CUX1: variants seen among roughly 807,000 people sequenced by gnomAD.
CUX1 encodes the protein cut like homeobox 1, also known as protein CASP.
A neutral mutation model predicts 158.8 loss-of-function variants in CUX1; 31 were observed. That is an observed-to-expected ratio of 0.20 (90% CI 0.15 to 0.26). CUX1 has a LOEUF of 0.26. CUX1 is among the 10% of genes least tolerant of loss of function. The probability of loss-of-function intolerance (pLI) is 1.00; values close to 1 mark genes in which losing one functional copy is unlikely to be tolerated. For missense variants in CUX1, 1,589 were observed against 2,014.6 expected (o/e 0.79, Z 4.04); for synonymous variants, 879 against 862.1 (o/e 1.02, Z -0.34).
At chr7:102,019,520 C>T (rs539955408) in intron 2 of CUX1, among the ~76,000 whole-genome samples, 20 of 152,162 alleles carry the variant, frequency 1.3e-4, no homozygotes, top group South Asian at 1.2e-3. Flanking sequence ...CCACCATGCC[C>T]GGTCTCATCA....
chr7:102,129,228 C>A (rs1034726589), intron 8 of CUX1, among the ~76,000 whole-genome samples: 1 of 152,218 alleles, frequency 6.6e-6, no homozygotes, highest in Admixed American at 6.5e-5. Context: ...ACAGCTGGGG[C>A]ACCCAGGTGT....
chr7:102,041,483 G>A (rs1439490835), intron 3 of CUX1, among the ~76,000 whole-genome samples: 93 of 150,878 alleles, frequency 6.2e-4, no homozygotes, highest in African/African-American at 1.0e-3. Context: ...TGAACTCCTG[G>A]CCTCAAGTGA....
chr7:101,979,724 ACTGC>A lies in CUX1; in HGVS notation c.142-48373_142-48370del, dbSNP rs1585158818. Among the ~76,000 whole-genome samples the A allele has an allele frequency of 3.9e-5, 6 of 152,078 alleles. No homozygotes were observed. The East Asian group carries it at 1.2e-3, about 29-fold the overall frequency. On this transcript the variant is annotated intron_variant, in intron 2 of 23. Transcript: ENST00000292535. Reference sequence around the variant, plus strand: ...GAGTGTAGTAGCACAATGTCGGTTCACTGCAACCTCCACCTCCTGAGTTCAAGCA... The same window carrying A: ...GAGTGTAGTAGCACAATGTCGGTTCAAACCTCCACCTCCTGAGTTCAAGCA...
At chr7:102,185,698 G>A (rs545468337) in intron 11 of CUX1, among the ~76,000 whole-genome samples, 130 of 151,288 alleles carry the variant, frequency 8.6e-4, no homozygotes, top group Non-Finnish European at 1.7e-3. Context: ...CCTGACCCAA[G>A]ATGTTGAGTC....
At chr7:101,863,963 G>A (rs1235931311) in intron 1 of CUX1, among the ~76,000 whole-genome samples, 14 of 152,080 alleles carry the variant, frequency 9.2e-5, no homozygotes, top group Admixed American at 6.5e-4. Flanking sequence ...GGATGCTTGC[G>A]TTGCTTCTAC....
Position 102,148,714 on chromosome 7 carries a change from A to G in CUX1, c.675-9846A>G, listed in dbSNP as rs555790760. On this transcript the variant is annotated intron_variant, in intron 8 of 23. Transcript: ENST00000292535. The stretch of plus-strand genomic sequence containing the variant: ...TGTTATATATATATAATATATTAAT[A>G]TATATATATTATATATTACTCAAGA... Among the ~76,000 whole-genome samples the G allele has an allele frequency of 6.1e-5, 9 of 148,162 alleles. No individual in the cohort carries two copies. In the South Asian group the frequency reaches 1.7e-3, roughly 28 times the overall value.
intron 2 of CUX1, chr7:101,960,807 C>T (rs1304822816): frequency 6.6e-6 from 1 of 152,174 alleles, no homozygotes; most frequent in Non-Finnish European, 1.5e-5. Flanking sequence ...CCTAACAGAG[C>T]TGAGTGTGTG....
intron 6 of CUX1, among the ~76,000 whole-genome samples, chr7:102,109,850 A>G (rs1224915520): frequency 6.6e-6 from 1 of 152,158 alleles, no homozygotes; most frequent in African/African-American, 2.4e-5. Context: ...CTCTGTTAGC[A>G]TTTCATCTCC....
upstream of CUX1, chr7:101,817,378 G>C (rs1256300486): frequency 1.0e-6 from 1 of 984,564 alleles, no homozygotes; most frequent in African/African-American, 1.8e-5. This position sits in a 1 kb window ranked among gnomAD's most constrained non-coding sequence, Gnocchi z 4.1. Flanking sequence ...ATGCCTTCTC[G>C]GGCCGGGTTC....
Position 102,197,187 on chromosome 7 carries a change from G to A in CUX1, c.1776G>A (p.Arg592=), listed in dbSNP as rs2131985140. The A allele has an allele frequency of 6.2e-7, 1 of 1,614,250 alleles. No individual in the cohort carries two copies. The highest frequency in any genetic ancestry group is 8.5e-7 in the Non-Finnish European group (1 of 1,180,050). ...SQGSVSEILA[R]PKPWNKLTVR... ...GGTCCGTGAGCGAGATTCTGGCCCG[G>A]CCCAAGCCATGGAATAAACTGACTG... The change falls in exon 15 of 24, where the codon CGG becomes CGA. Residue 592 remains arginine, a synonymous_variant. Transcript: ENST00000292535.
chr7:102,112,566 GTTTTGTTTTTGT>G (rs1274785933), intron 7 of CUX1, among the ~76,000 whole-genome samples: 2 of 115,852 alleles, frequency 1.7e-5, no homozygotes, highest in Non-Finnish European at 3.5e-5. Flanking sequence ...TTTTTGTTTT[GTTTTGTTTTTGT>G]TTTTTTTTTG....
At chr7:102,244,978 AC>A (rs1288649365) in intron 23 of CUX1, among the ~76,000 whole-genome samples, 1 of 152,248 alleles carries the variant, frequency 6.6e-6, no homozygotes, top group Non-Finnish European at 1.5e-5. Flanking sequence ...TCTGTGGAGC[AC>A]AAAGCATGTG....
At chr7:101,893,531 C>T (rs1309031893) in intron 1 of CUX1, among the ~76,000 whole-genome samples, 1 of 152,062 alleles carries the variant, frequency 6.6e-6, no homozygotes, top group Non-Finnish European at 1.5e-5. Flanking sequence ...TTGCCCCCTG[C>T]GAGCGTTCTT....
chr7:102,018,090 C>T (rs1036961925), intron 2 of CUX1, among the ~76,000 whole-genome samples: 4 of 152,082 alleles, frequency 2.6e-5, no homozygotes, highest in African/African-American at 7.2e-5. Flanking sequence ...CCGAGTAGCT[C>T]GCACTATAGG....
chr7:102,259,917 G>A (rs1205578866), downstream of CUX1, among the ~76,000 whole-genome samples: 1 of 151,426 alleles, frequency 6.6e-6, no homozygotes, highest in African/African-American at 2.4e-5. Flanking sequence ...GCAACATAGT[G>A]AGACCCCATC....
rs566488747 is a variant in CUX1 at position 102,096,873 on chromosome 7, C to A, written c.269-491C>A. Among the ~76,000 whole-genome samples the A allele has an allele frequency of 3.9e-5, 6 of 152,286 alleles. No individual in the cohort carries two copies. In the South Asian group the frequency reaches 1.2e-3, roughly 32 times the overall value. The stretch of plus-strand genomic sequence containing the variant: ...AGATTGTTGTAAGGCTCAAAAGACA[C>A]AATCTCCATAAAGTGTCCCGTGAAC... On this transcript the variant is annotated intron_variant, in intron 4 of 23. Coordinates refer to ENST00000292535, the MANE Select transcript of CUX1 (RefSeq NM_181552.4).
chr7:102,248,545 G>T lies in CUX1; in HGVS notation c.4021G>T (p.Val1341Leu). Residue 1341 changes from valine (V) to leucine (L), a missense_variant, in exon 24 of 24, where the codon GTG (valine) becomes TTG (leucine). Val to Leu is a conservative substitution (Grantham distance 32, BLOSUM62 1). Transcript: ENST00000292535. This position sits in a 1 kb window ranked among gnomAD's most constrained non-coding sequence, Gnocchi z 5.8. ...PSSEGDSCDG[V>L]EATEGPGSAD... is the part of the protein sequence containing the mutation. The stretch of plus-strand genomic sequence containing the variant: ...CTCGGAGGGCGACAGCTGCGACGGC[G>T]TGGAGGCCACTGAGGGCCCAGGCAG... 3 of 1,506,884 alleles carry T rather than the reference G, an allele frequency of 2.0e-6. No individual in the cohort carries two copies. Among genetic ancestry groups the T allele is most frequent in the Non-Finnish European group, 2.7e-6 (3 of 1,131,548 alleles). The allele number at this position is 1,506,884 out of a possible 1,614,324, so 93.3% of individuals were successfully genotyped here.
chr7:102,016,957 T>TTGGGGTCCATCCC (rs1327668764), intron 2 of CUX1, among the ~76,000 whole-genome samples: 1 of 152,176 alleles, frequency 6.6e-6, no homozygotes, highest in Non-Finnish European at 1.5e-5. Flanking sequence ...AATGGTGCCT[T>TTGGGGTCCATCCC]TGGGGTCCAT....
In CUX1 at chr7:102,280,821, C is replaced by T. The variant is rs782238335; in HGVS notation, c.1782C>T (p.Tyr594=). 27 of 1,613,012 alleles carry T rather than the reference C, an allele frequency of 1.7e-5. No homozygotes were observed. In the East Asian group the frequency reaches 3.6e-4, roughly 21 times the overall value. Residue 594 remains tyrosine (Y), a synonymous_variant, in exon 20 of 23, where the codon TAC becomes TAT. Coordinates refer to the CUX1 transcript ENST00000292538. ...CTGTGCAGGAGCGGCAGAGGAAGTACCTGAGCTTGAGTCCCTGGGACAAGG... is the reference window on the plus strand; with the variant it reads ...CTGTGCAGGAGCGGCAGAGGAAGTATCTGAGCTTGAGTCCCTGGGACAAGG...
Sources: gnomAD v4.1 joint callset for allele counts (sites outside exome capture counted in the v4.1 genomes callset) on GRCh38, gnomAD v4.1.1 for gene constraint, Gnocchi (gnomAD v3.1) non-coding constraint, MANE v1.5 for transcripts, NCBI Gene and HGNC (gene_info 2026-07-23, HGNC 2026-07-21) for gene names.